Variants in POC1B observed in about 807,000 individuals in gnomAD.
POC1B encodes the protein POC1 centriolar protein homolog B.
POC1B carries 44 observed loss-of-function variants against 60.6 expected under a neutral mutation model. The observed-to-expected ratio is 0.73, with a 90% CI of 0.57 to 0.93. The LOEUF is 0.93. Among genes scored for constraint, POC1B ranks in the 40% least tolerant of loss-of-function variants. The pLI, the probability that POC1B is intolerant of heterozygous loss-of-function variation, is 0.00. For missense variants in POC1B, 555 were observed against 572.3 expected, an observed-to-expected ratio of 0.97 and a Z score of 0.31; for synonymous variants, 180 against 198.9, an observed-to-expected ratio of 0.90 and a Z score of 0.80.
chr12:89,517,948 G>A (rs534430511), intron 2 of POC1B, among the ~76,000 whole-genome samples: 2 of 152,244 alleles, frequency 1.3e-5, no homozygotes, highest in South Asian at 2.1e-4. Flanking sequence ...GGTTAGAATG[G>A]TGACCAGACA....
chr12:89,426,303 AATAG>A (rs1390799710), intron 10 of POC1B: 6 of 152,158 alleles, frequency 3.9e-5, no homozygotes, highest in Admixed American at 6.5e-5. Context: ...AAATTCTGGA[AATAG>A]ATAGTGATGA....
intron 4 of POC1B, chr12:89,472,605 T>A (rs772508012): frequency 5.9e-4 from 108 of 183,996 alleles, no homozygotes; most frequent in Non-Finnish European, 8.1e-4. Flanking sequence ...CTTGTATTTT[T>A]AAAAGAACTC....
chr12:89,412,854 T>TCCCC, the POC1B span, among the ~76,000 whole-genome samples: 1 of 130,010 alleles, frequency 7.7e-6, no homozygotes, highest in Non-Finnish European at 1.6e-5. Context: ...TTCCTTTCCT[T>TCCCC]CCTCCCTCCC....
At chr12:89,409,431 G>T in the POC1B span, among the ~76,000 whole-genome samples, 1 of 152,184 alleles carries the variant, frequency 6.6e-6, no homozygotes, top group African/African-American at 2.4e-5. Context: ...TCAGATGGTT[G>T]TAGATGCGTG....
intron 4 of POC1B, among the ~76,000 whole-genome samples, chr12:89,475,173 A>C (rs1398341049): frequency 1.3e-5 from 2 of 152,240 alleles, no homozygotes; most frequent in African/African-American, 4.8e-5. Context: ...AGCTCCATAG[A>C]GGAAACAGGA....
chr12:89,455,468 T>C (rs1882216583), intron 10 of POC1B, among the ~76,000 whole-genome samples: 1 of 152,262 alleles, frequency 6.6e-6, no homozygotes, highest in South Asian at 2.1e-4. Flanking sequence ...GACATTTATG[T>C]ATACTTGACA....
In POC1B at chr12:89,452,756, A is replaced by G. The variant is rs548546705; in HGVS notation, c.1113+6882T>C. Among the ~76,000 whole-genome samples, 6 of 152,304 alleles carry G rather than the reference A, an allele frequency of 3.9e-5. No homozygotes were observed. In the South Asian group the frequency reaches 1.2e-3, roughly 32 times the overall value. ...AATCTTTTATTACGGTGATACTGTT[A>G]GTAAACTTTACAGCTATACAGATTA... On this transcript the variant is annotated intron_variant, in intron 10 of 11. Coordinates refer to ENST00000313546, the MANE Select transcript of POC1B (RefSeq NM_172240.3).
At chr12:89,504,197 A>G (rs1022688826) in intron 2 of POC1B, among the ~76,000 whole-genome samples, 4 of 152,270 alleles carry the variant, frequency 2.6e-5, no homozygotes, top group Admixed American at 1.3e-4. Flanking sequence ...TAGAGAAATC[A>G]GATTGTTGCT....
chr12:89,507,769 T>C (rs1054434943), intron 2 of POC1B, among the ~76,000 whole-genome samples: 9 of 152,340 alleles, frequency 5.9e-5, no homozygotes, highest in African/African-American at 1.9e-4. Context: ...AATGTCCAAA[T>C]GGCCACCCGT....
intron 2 of POC1B, among the ~76,000 whole-genome samples, chr12:89,508,741 T>C (rs534093080): frequency 6.6e-6 from 1 of 152,312 alleles, no homozygotes; most frequent in Admixed American, 6.5e-5. Context: ...TCATGGGGGC[T>C]GTTCTCATGA....
At chr12:89,443,534 A>G (rs1467443423) in intron 10 of POC1B, among the ~76,000 whole-genome samples, 1 of 151,858 alleles carries the variant, frequency 6.6e-6, no homozygotes, top group Non-Finnish European at 1.5e-5. Flanking sequence ...AGGCAGAAAT[A>G]AAGATGTTCT....
chr12:89,504,685 G>C (rs922469906), intron 2 of POC1B, among the ~76,000 whole-genome samples: 1 of 151,856 alleles, frequency 6.6e-6, no homozygotes, highest in Admixed American at 6.6e-5. Context: ...CAAAAATTAA[G>C]AAGTTTTGTT....
intron 4 of POC1B, among the ~76,000 whole-genome samples, chr12:89,482,424 A>G (rs1158725535): frequency 1.3e-5 from 2 of 152,184 alleles, no homozygotes; most frequent in Non-Finnish European, 2.9e-5. Context: ...ATATATGAAG[A>G]AAGAACAACA....
At chr12:89,453,301 C>T (rs1275834969) in intron 10 of POC1B, among the ~76,000 whole-genome samples, 1 of 152,116 alleles carries the variant, frequency 6.6e-6, no homozygotes, top group Non-Finnish European at 1.5e-5. Flanking sequence ...ACTGTATCCA[C>T]TTGACATTTA....
chr12:89,500,169 T>C (rs964002601), intron 2 of POC1B: 18 of 1,597,454 alleles, frequency 1.1e-5, no homozygotes, highest in Middle Eastern at 3.6e-4. Flanking sequence ...GCACGTGACA[T>C]TAACACAGAG....
At chr12:89,458,110 G>C (rs1369319141) in intron 10 of POC1B, among the ~76,000 whole-genome samples, 1 of 152,152 alleles carries the variant, frequency 6.6e-6, no homozygotes, top group African/African-American at 2.4e-5. Flanking sequence ...GTGGACCAAA[G>C]ATTTTTAATG....
chr12:89,497,307 T>G lies in POC1B; in HGVS notation c.136A>C (p.Asn46His). ...ASWDTFLMLW[N>H]FKPHARAYRY... Reference sequence around the variant, plus strand: ...TAAGCTCTAGCATGTGGCTTGAAATTCCATAGCATGAGAAAGGTATCCCAA... The same window carrying G: ...TAAGCTCTAGCATGTGGCTTGAAATGCCATAGCATGAGAAAGGTATCCCAA... Residue 46 changes from asparagine (N) to histidine (H), a missense_variant, in exon 3 of 12, where the codon AAT (asparagine) becomes CAT (histidine). Physicochemically the swap from Asn to His is moderately conservative, Grantham distance 68. Coordinates refer to ENST00000313546, the MANE Select transcript of POC1B (RefSeq NM_172240.3). The G allele has an allele frequency of 6.2e-7, 1 of 1,612,776 alleles. No individual in the cohort carries two copies. The highest frequency in any genetic ancestry group is 8.5e-7 in the Non-Finnish European group (1 of 1,179,948).
chr12:89,450,625 C>G (rs922933475), intron 10 of POC1B, among the ~76,000 whole-genome samples: 6 of 152,120 alleles, frequency 3.9e-5, no homozygotes, highest in African/African-American at 1.4e-4. Flanking sequence ...CAATCATGAA[C>G]ACGTCAAAAC....
At chr12:89,502,463 A>G in intron 2 of POC1B, 4 of 1,184,760 alleles carry the variant, frequency 3.4e-6, no homozygotes, top group Non-Finnish European at 5.0e-6. Flanking sequence ...AAGGCAAGAG[A>G]AAATATTGGA....
Sources: gnomAD v4.1 joint callset for allele counts (sites outside exome capture counted in the v4.1 genomes callset) on GRCh38, gnomAD v4.1.1 for gene constraint, MANE v1.5 for transcripts, NCBI Gene and HGNC (gene_info 2026-07-23, HGNC 2026-07-21) for gene names.